The following PDHX variants were observed in gnomAD, a reference collection of about 807,000 sequenced individuals.
The protein encoded by PDHX is pyruvate dehydrogenase complex component X.
In PDHX, 33 loss-of-function variants were observed where a neutral mutation model predicts 55.3. The observed-to-expected ratio is 0.60, with a 90% CI of 0.45 to 0.80. PDHX has a LOEUF of 0.80. Among genes scored for constraint, PDHX ranks in the 30% least tolerant of loss-of-function variants. The pLI is 0.00. For missense variants in PDHX, 622 were observed against 619.9 expected (o/e 1.00, Z -0.04); for synonymous variants, 226 against 219.4 (o/e 1.03, Z -0.27).
intron 3 of PDHX, among the ~76,000 whole-genome samples, chr11:34,952,188 G>A (rs1486293661): frequency 1.3e-5 from 2 of 152,146 alleles, no homozygotes; most frequent in African/African-American, 4.8e-5. Context: ...TGAAATTGTA[G>A]CAATAATCAA....
chr11:34,971,339 G>T (rs1160729900), intron 7 of PDHX, among the ~76,000 whole-genome samples: 1 of 151,890 alleles, frequency 6.6e-6, no homozygotes, highest in African/African-American at 2.4e-5. Flanking sequence ...ACCTCTGTCT[G>T]GTATAATGAA....
At chr11:34,938,107 G>C (rs1330364588) in intron 2 of PDHX, among the ~76,000 whole-genome samples, 1 of 152,222 alleles carries the variant, frequency 6.6e-6, no homozygotes, top group Non-Finnish European at 1.5e-5. Context: ...AGGGTGGGCT[G>C]AAGTGTGATT....
intron 8 of PDHX, among the ~76,000 whole-genome samples, chr11:34,980,352 C>CTTGTTTTTTTTTTTTTTTTTTTTT (rs1855481644): frequency 1.3e-5 from 1 of 74,822 alleles, no homozygotes; most frequent in African/African-American, 5.0e-5. Flanking sequence ...AAGATAGTTT[C>CTTGTTTTTTTTTTTTTTTTTTTTT]TTTTTTTTTT....
intron 9 of PDHX, among the ~76,000 whole-genome samples, chr11:34,988,318 C>G (rs1406381009): frequency 2.6e-5 from 4 of 151,978 alleles, no homozygotes; most frequent in African/African-American, 4.8e-5. Context: ...ACCACCCTAT[C>G]AAGTACAAGA....
intron 1 of PDHX, among the ~76,000 whole-genome samples, chr11:34,926,939 A>C (rs1565148447): frequency 6.6e-6 from 1 of 152,126 alleles, no homozygotes; most frequent in Non-Finnish European, 1.5e-5. Flanking sequence ...TAAATTGCTC[A>C]TGTAGCAGAA....
chr11:34,980,284 A>T (rs1306146821), intron 8 of PDHX, among the ~76,000 whole-genome samples: 13 of 139,624 alleles, frequency 9.3e-5, no homozygotes, highest in Admixed American at 6.4e-4. Flanking sequence ...ATTTCCTTAG[A>T]TTCATTTTGG....
chr11:34,979,239 A>G (rs938885853), intron 8 of PDHX, among the ~76,000 whole-genome samples: 1 of 152,152 alleles, frequency 6.6e-6, no homozygotes, highest in Admixed American at 6.6e-5. Context: ...TAAGGAATCT[A>G]GAGTTTGGTT....
At chr11:34,920,239 A>C (rs1853842134) in intron 1 of PDHX, among the ~76,000 whole-genome samples, 1 of 152,212 alleles carries the variant, frequency 6.6e-6, no homozygotes, top group Admixed American at 6.5e-5. Context: ...GATTTGGAAT[A>C]TAATTGGTAA....
upstream of PDHX, chr11:34,916,452 T>C: frequency 6.9e-7 from 1 of 1,457,032 alleles, no homozygotes; most frequent in Non-Finnish European, 9.0e-7. Flanking sequence ...CCCCGCCGGC[T>C]GAGATATCCA....
At chr11:34,931,567 T>C in intron 2 of PDHX, 83 bp downstream of exon 2, 1 of 737,142 alleles carries the variant, frequency 1.4e-6, no homozygotes, top group Middle Eastern at 2.4e-4. Context: ...ATCTGTCCTG[T>C]TATACAGTAT....
At chr11:34,961,147 G>A (rs1008582685) in intron 5 of PDHX, among the ~76,000 whole-genome samples, 6 of 152,026 alleles carry the variant, frequency 3.9e-5, no homozygotes, top group Admixed American at 1.3e-4. Flanking sequence ...TAAGCAGTTC[G>A]TCTAGCTCCA....
intron 2 of PDHX, among the ~76,000 whole-genome samples, chr11:34,942,369 A>G (rs12286538): frequency 0.13 from 19,676 of 152,232 alleles, 1,743 homozygotes; most frequent in African/African-American, 0.25. Flanking sequence ...AAAGTGTTAC[A>G]TAAAGATGTA....
chr11:34,948,233 A>G (rs1303428314), intron 3 of PDHX, among the ~76,000 whole-genome samples: 3 of 152,188 alleles, frequency 2.0e-5, no homozygotes, highest in Non-Finnish European at 4.4e-5. Flanking sequence ...TACTTTTCCC[A>G]TTATTAGAAC....
Position 34,954,879 on chromosome 11 carries a change from A to T in PDHX, c.343-2505A>T, listed in dbSNP as rs143389517. Reference sequence around the variant, plus strand: ...CAGCTCAGAAAACAAGCATGGTGAGATAAGGAAACTTTACTAAGGTCACAT... The same window carrying T: ...CAGCTCAGAAAACAAGCATGGTGAGTTAAGGAAACTTTACTAAGGTCACAT... On this transcript the variant is annotated intron_variant, in intron 3 of 10. Transcript: ENST00000227868. 1.2e-3 allele frequency among the ~76,000 whole-genome samples: 190 copies of T among 152,310 alleles called. No individual in the cohort carries two copies. In the Middle Eastern group the frequency reaches 0.014, roughly 11 times the overall value.
rs114911793 is a variant in PDHX, at chr11:34,918,859, T to C, written c.160+2044T>C. Among the ~76,000 whole-genome samples the C allele has an allele frequency of 7.4e-3, 1,133 of 152,306 alleles. 17 individuals are homozygous for C. The highest frequency in any genetic ancestry group is 0.026 in the African/African-American group (1,087 of 41,558). On this transcript the variant is annotated intron_variant, in intron 1 of 10. Transcript: ENST00000227868. Reference sequence around the variant, plus strand: ...TCTAAGATTCTTTGACTCATGGGCTTCAAAGTCAGCAATGGCTGGTTCAGT... The same window carrying C: ...TCTAAGATTCTTTGACTCATGGGCTCCAAAGTCAGCAATGGCTGGTTCAGT...
rs553091233 is a variant in PDHX at position 34,930,073 on chromosome 11, G to A, written c.161-1331G>A. On this transcript the variant is annotated intron_variant, in intron 1 of 10. Coordinates refer to ENST00000227868, the MANE Select transcript of PDHX (RefSeq NM_003477.3). ...TGCCTCATACCTGGTGGGCCCTGAT[G>A]GCAAGAACACAGAGAGGTGGGGCCT... 2.0e-5 allele frequency among the ~76,000 whole-genome samples: 3 copies of A among 152,322 alleles called. No individual in the cohort carries two copies. The East Asian group carries it at 5.8e-4, about 29-fold the overall frequency.
At chr11:34,984,986 G>A (rs534202319) in intron 9 of PDHX, 1 of 387,964 alleles carries the variant, frequency 2.6e-6, no homozygotes, top group East Asian at 5.4e-5. Context: ...TCATGCTAAA[G>A]ACAAGCTTTA....
chr11:34,978,265 T>C (rs1855424465), intron 8 of PDHX, 83 bp downstream of exon 8: 1 of 821,490 alleles, frequency 1.2e-6, no homozygotes, highest in Non-Finnish European at 2.1e-6. Context: ...AGAACTCTTA[T>C]TTTTAAATCA....
chr11:34,931,355 T>G, intron 1 of PDHX, 49 bp from the exon 2 acceptor site: 43 of 954,114 alleles, frequency 4.5e-5, no homozygotes, highest in Middle Eastern at 2.1e-4. Flanking sequence ...TGATGCCTCA[T>G]GAGGTGCATT....
Sources: gnomAD v4.1 joint callset for allele counts (sites outside exome capture counted in the v4.1 genomes callset) on GRCh38, gnomAD v4.1.1 for gene constraint, MANE v1.5 for transcripts, NCBI Gene and HGNC (gene_info 2026-07-23, HGNC 2026-07-21) for gene names.